PDZRN3: variants seen among roughly 807,000 people sequenced by gnomAD.
The protein encoded by PDZRN3 is E3 ubiquitin-protein ligase PDZRN3.
In PDZRN3, 38 loss-of-function variants were observed where a neutral mutation model predicts 85.7. The observed-to-expected ratio is 0.44, with a 90% CI of 0.34 to 0.58. PDZRN3 has a LOEUF of 0.58. PDZRN3 is among the 20% of genes least tolerant of loss of function. PDZRN3 has a pLI of 0.01. For missense variants in PDZRN3, 1,629 were observed against 1,506.4 expected (o/e 1.08, Z -1.35); for synonymous variants, 759 against 638.0 (o/e 1.19, Z -2.86).
intron 2 of PDZRN3, 84 bp downstream of exon 2, chr3:73,608,514 G>T: frequency 1.1e-6 from 1 of 872,714 alleles, no homozygotes; most frequent in Non-Finnish European, 1.9e-6. Context: ...AAAGTTTCCT[G>T]CTCCTCACTG....
At chr3:73,393,335 G>GACTT (rs1215126173) in intron 5 of PDZRN3, among the ~76,000 whole-genome samples, 1 of 152,046 alleles carries the variant, frequency 6.6e-6, no homozygotes, top group Non-Finnish European at 1.5e-5. Context: ...AGTTCTACTG[G>GACTT]ACTTTCTACT....
intron 5 of PDZRN3, among the ~76,000 whole-genome samples, chr3:73,400,447 C>A (rs1345897412): frequency 2.6e-5 from 4 of 152,156 alleles, no homozygotes; most frequent in Admixed American, 2.6e-4. Context: ...TGTTTAATTT[C>A]TTCTGTATCA....
At chr3:73,517,296 C>T (rs965825156) in intron 3 of PDZRN3, among the ~76,000 whole-genome samples, 2 of 152,200 alleles carry the variant, frequency 1.3e-5, no homozygotes, top group Non-Finnish European at 2.9e-5. Flanking sequence ...GAACAAATCA[C>T]AGTTTCTTTT....
chr3:73,448,987 C>CT (rs1702805803), intron 3 of PDZRN3, among the ~76,000 whole-genome samples: 1 of 152,194 alleles, frequency 6.6e-6, no homozygotes, highest in Admixed American at 6.5e-5. Flanking sequence ...AGTCACAAGA[C>CT]TGATTTTCAT....
chr3:73,408,449 C>T (rs1701898560), intron 3 of PDZRN3, among the ~76,000 whole-genome samples: 1 of 152,152 alleles, frequency 6.6e-6, no homozygotes, highest in Non-Finnish European at 1.5e-5. Flanking sequence ...AAAACCCAGC[C>T]TAGTGAGGTG....
At chr3:73,425,677 A>G (rs564235815) in intron 3 of PDZRN3, among the ~76,000 whole-genome samples, 1 of 151,952 alleles carries the variant, frequency 6.6e-6, no homozygotes, top group South Asian at 2.1e-4. Flanking sequence ...ATACTTATAC[A>G]CTGGTGGGTA....
At chr3:73,608,338 C>G (rs1247454327) in intron 2 of PDZRN3, among the ~76,000 whole-genome samples, 2 of 152,052 alleles carry the variant, frequency 1.3e-5, no homozygotes, top group East Asian at 1.9e-4. Flanking sequence ...AGAAATGTAC[C>G]CCCTAACAAA....
chr3:73,459,476 A>AT (rs554795487), intron 3 of PDZRN3, among the ~76,000 whole-genome samples: 1 of 151,818 alleles, frequency 6.6e-6, no homozygotes, highest in Non-Finnish European at 1.5e-5. Flanking sequence ...CCCAATAGTT[A>AT]TTTTTTTTCT....
At chr3:73,477,026 A>G (rs1183014445) in intron 3 of PDZRN3, among the ~76,000 whole-genome samples, 1 of 152,186 alleles carries the variant, frequency 6.6e-6, no homozygotes, top group East Asian at 1.9e-4. Context: ...CATTGATACC[A>G]TATATTTATT....
chr3:73,460,630 G>A (rs143660101), intron 3 of PDZRN3, among the ~76,000 whole-genome samples: 23 of 152,248 alleles, frequency 1.5e-4, no homozygotes, highest in African/African-American at 5.1e-4. Flanking sequence ...TTAATGCAAA[G>A]TTATAGCATT....
rs139862589 is a variant in PDZRN3, at chr3:73,501,058, G to A, written c.919-96663C>T. 8.1e-4 allele frequency among the ~76,000 whole-genome samples: 123 copies of A among 152,182 alleles called. 1 individual carries two copies. The highest frequency in any genetic ancestry group is 2.9e-3 in the African/African-American group (119 of 41,480). On this transcript the variant is annotated intron_variant, in intron 3 of 9. Coordinates refer to ENST00000263666, the MANE Select transcript of PDZRN3 (RefSeq NM_015009.3). The stretch of plus-strand genomic sequence containing the variant: ...CTCTTCTCTTTCCCTACCAATGTCC[G>A]TGTAAGCAATTCAGAAATACTTGTA...
At chr3:73,448,795 T>C (rs1261378509) in intron 3 of PDZRN3, among the ~76,000 whole-genome samples, 1 of 152,208 alleles carries the variant, frequency 6.6e-6, no homozygotes, top group Non-Finnish European at 1.5e-5. Flanking sequence ...TCACAGTATG[T>C]AACACCTCAA....
rs976011301 is a variant in PDZRN3 at position 73,538,323 on chromosome 3, T to C, written c.918+64031A>G. ...TGCACTACATACACTTTAAGTACAC[T>C]GTGGTTGTCTCATTTTCTGTAAATA... On this transcript the variant is annotated intron_variant, in intron 3 of 9. Coordinates refer to ENST00000263666, the MANE Select transcript of PDZRN3 (RefSeq NM_015009.3). Among the ~76,000 whole-genome samples the C allele has an allele frequency of 3.3e-5, 5 of 152,268 alleles. No individual in the cohort carries two copies. The East Asian group carries it at 9.6e-4, about 29-fold the overall frequency.
chr3:73,420,566 C>A (rs1341077623), intron 3 of PDZRN3, among the ~76,000 whole-genome samples: 1 of 152,186 alleles, frequency 6.6e-6, no homozygotes, highest in East Asian at 1.9e-4. Flanking sequence ...CTCCACTGTT[C>A]CTTTCAAGAA....
intron 3 of PDZRN3, among the ~76,000 whole-genome samples, chr3:73,441,106 T>A (rs773654020): frequency 6.6e-6 from 1 of 152,128 alleles, no homozygotes; most frequent in Non-Finnish European, 1.5e-5. Flanking sequence ...GATACTTATA[T>A]AACAACCATT....
At chr3:73,451,616 T>G (rs551485691) in intron 3 of PDZRN3, among the ~76,000 whole-genome samples, 1 of 152,260 alleles carries the variant, frequency 6.6e-6, no homozygotes, top group Admixed American at 6.5e-5. Flanking sequence ...AAAGTTGGTT[T>G]TAGAGAGAGG....
rs143580910 is a variant in PDZRN3, at chr3:73,384,912, C to T, written c.1654G>A (p.Gly552Ser). 9 of 1,602,078 alleles carry T rather than the reference C, an allele frequency of 5.6e-6. No individual in the cohort carries two copies. Among genetic ancestry groups the T allele is most frequent in the South Asian group, 2.2e-5 (2 of 89,428 alleles). ...ATGGTGGCTGTATCTGTGGTCCCAC[C>T]GTCTTCGTCGTGCTTCTTCTGCATA... ...VLQQKKHDED[G>S]GTTDTATILS... The change falls in exon 10 of 10, where the codon GGT becomes AGT. Residue 552 changes from glycine (G) to serine (S), a missense_variant. Coordinates refer to ENST00000263666, the MANE Select transcript of PDZRN3 (RefSeq NM_015009.3).
At chr3:73,411,140 T>C (rs1701958689) in intron 3 of PDZRN3, among the ~76,000 whole-genome samples, 1 of 152,194 alleles carries the variant, frequency 6.6e-6, no homozygotes, top group African/African-American at 2.4e-5. Flanking sequence ...AGGATAAAAA[T>C]AGTATCAAGG....
Position 73,519,093 on chromosome 3 carries a change from C to T in PDZRN3, c.918+83261G>A, listed in dbSNP as rs1239146886. 5.9e-5 allele frequency among the ~76,000 whole-genome samples: 9 copies of T among 152,222 alleles called. No homozygotes were observed. The East Asian group carries it at 1.7e-3, about 29-fold the overall frequency. The stretch of plus-strand genomic sequence containing the variant: ...CATGAGACCACCTCGAAGGGAGAGA[C>T]CCCAACCTCACTTATCTACTTCACT... On this transcript the variant is annotated intron_variant, in intron 3 of 9. Transcript: ENST00000263666.
Sources: allele counts gnomAD v4.1 joint callset (sites outside exome capture counted in the v4.1 genomes callset), GRCh38; gene constraint gnomAD v4.1.1; transcripts MANE v1.5; gene names NCBI Gene and HGNC (gene_info 2026-07-23, HGNC 2026-07-21).